The following BNC2 variants were observed in gnomAD, a reference collection of about 807,000 sequenced individuals.
BNC2 encodes basonuclin zinc finger protein 2.
In BNC2, 20 loss-of-function variants were observed where a neutral mutation model predicts 76.3. The ratio of observed to expected loss-of-function variants is 0.26; its 90% CI spans 0.18 to 0.38. The LOEUF (loss-of-function observed/expected upper bound fraction) is 0.38, where lower values mean the gene tolerates loss of function less well. BNC2 is among the 10% of genes least tolerant of loss of function. BNC2 has a pLI of 1.00. For synonymous variants in BNC2, 582 were observed against 514.8 expected, an observed-to-expected ratio of 1.13 and a Z score of -1.77; for missense variants, 1,382 against 1,399.8, an observed-to-expected ratio of 0.99 and a Z score of 0.20.
chr9:16,789,296 C>T (rs1817435473), intron 1 of BNC2, among the ~76,000 whole-genome samples: 3 of 151,990 alleles, frequency 2.0e-5, no homozygotes, highest in East Asian at 1.9e-4. Context: ...TTGATTGTCA[C>T]GGTGGCCATG....
chr9:16,761,445 T>C (rs7047761), intron 1 of BNC2, among the ~76,000 whole-genome samples: 3 of 152,326 alleles, frequency 2.0e-5, no homozygotes, highest in Non-Finnish European at 4.4e-5. Context: ...CAATTTCATA[T>C]AATTGTATTC....
chr9:16,632,335 A>C (rs1821186411), intron 3 of BNC2, among the ~76,000 whole-genome samples: 1 of 152,126 alleles, frequency 6.6e-6, no homozygotes, highest in Admixed American at 6.5e-5. Flanking sequence ...GATCCCCCAC[A>C]TTCGGTAATA....
intron 5 of BNC2, among the ~76,000 whole-genome samples, chr9:16,466,014 C>A (rs1159950172): frequency 8.1e-6 from 1 of 123,218 alleles, no homozygotes; most frequent in Non-Finnish European, 1.7e-5. Flanking sequence ...ACAAAAATCA[C>A]AAGCATTCTT....
At chr9:16,629,604 G>C (rs1485135254) in intron 3 of BNC2, among the ~76,000 whole-genome samples, 2 of 152,118 alleles carry the variant, frequency 1.3e-5, no homozygotes, top group Non-Finnish European at 2.9e-5. Flanking sequence ...AGCATCTGCA[G>C]GCAAACATCG....
intron 6 of BNC2, among the ~76,000 whole-genome samples, chr9:16,425,866 G>A (rs538140095): frequency 6.6e-6 from 1 of 152,344 alleles, no homozygotes; most frequent in Admixed American, 6.5e-5. Context: ...TTGGTAGATG[G>A]AAAATGTGTA....
intron 1 of BNC2, among the ~76,000 whole-genome samples, chr9:16,818,427 G>A (rs566325842): frequency 2.6e-5 from 4 of 152,114 alleles, no homozygotes; most frequent in Admixed American, 2.0e-4. Flanking sequence ...ACCCAAAAAC[G>A]AAGGGAAGGG....
At chr9:16,722,286 T>C (rs896425701) in intron 3 of BNC2, among the ~76,000 whole-genome samples, 2 of 152,322 alleles carry the variant, frequency 1.3e-5, no homozygotes, top group East Asian at 1.9e-4. Context: ...CAGAGATGCC[T>C]TACTCAGCAT....
chr9:16,524,527 C>T (rs147113766), intron 5 of BNC2, among the ~76,000 whole-genome samples: 11 of 152,080 alleles, frequency 7.2e-5, no homozygotes, highest in African/African-American at 2.7e-4. Flanking sequence ...ATTCTAAATA[C>T]ACATTCAGGA....
At chr9:16,582,940 TG>T in intron 4 of BNC2, 42 bp downstream of exon 4, 1 of 970,488 alleles carries the variant, frequency 1.0e-6, no homozygotes, top group Non-Finnish European at 1.6e-6. Context: ...CACACGAACA[TG>T]AACATAATAA....
intron 1 of BNC2, among the ~76,000 whole-genome samples, chr9:16,839,645 C>A (rs943996105): frequency 6.6e-6 from 1 of 152,336 alleles, no homozygotes; most frequent in Non-Finnish European, 1.5e-5. Context: ...TAGGCGCCAT[C>A]ACTATATGCC....
intron 3 of BNC2, among the ~76,000 whole-genome samples, chr9:16,684,784 G>A (rs1822927620): frequency 6.6e-6 from 1 of 151,942 alleles, no homozygotes; most frequent in African/African-American, 2.4e-5. Context: ...ACATAGAAAT[G>A]GAGGCATGCC....
chr9:16,609,851 T>G (rs576426720), intron 3 of BNC2, among the ~76,000 whole-genome samples: 101 of 152,258 alleles, frequency 6.6e-4, no homozygotes, highest in African/African-American at 2.3e-3. Flanking sequence ...TTTCCCTTGG[T>G]ACCCCCTCCT....
chr9:16,648,818 T>C (rs922242428), intron 3 of BNC2, among the ~76,000 whole-genome samples: 10 of 152,320 alleles, frequency 6.6e-5, no homozygotes, highest in Admixed American at 5.9e-4. Context: ...CATCTCCATT[T>C]GCAATTCATT....
At chr9:16,703,038 G>C (rs573765286) in intron 3 of BNC2, among the ~76,000 whole-genome samples, 1 of 152,276 alleles carries the variant, frequency 6.6e-6, no homozygotes, top group African/African-American at 2.4e-5. Context: ...CTTTTATGCG[G>C]AGAAGATTCC....
intron 5 of BNC2, among the ~76,000 whole-genome samples, chr9:16,456,718 T>G (rs556443979): frequency 6.6e-6 from 1 of 152,150 alleles, no homozygotes; most frequent in South Asian, 2.1e-4. Flanking sequence ...AAAGAGTCCT[T>G]GAAAATGGAG....
At chr9:16,573,252 G>GAA (rs1563845572) in intron 4 of BNC2, among the ~76,000 whole-genome samples, 1 of 147,230 alleles carries the variant, frequency 6.8e-6, no homozygotes. Flanking sequence ...AAAAGAAAAA[G>GAA]AAAGAAATAT....
chr9:16,601,226 A>C (rs1166045805), intron 3 of BNC2, among the ~76,000 whole-genome samples: 1 of 152,182 alleles, frequency 6.6e-6, no homozygotes, highest in African/African-American at 2.4e-5. Flanking sequence ...GATATCCAGG[A>C]CCACACTCCA....
chr9:16,653,307 G>A (rs544739401), intron 3 of BNC2, among the ~76,000 whole-genome samples: 9 of 152,128 alleles, frequency 5.9e-5, no homozygotes, highest in Admixed American at 1.3e-4. Flanking sequence ...GGAAACACAC[G>A]CACTCACAAA....
chr9:16,753,067 T>G (rs1372177131), intron 1 of BNC2, among the ~76,000 whole-genome samples: 1 of 152,236 alleles, frequency 6.6e-6, no homozygotes. Flanking sequence ...GCAAAGTAGA[T>G]GACCTGAAAC....
Sources: allele counts gnomAD v4.1 joint callset (sites outside exome capture counted in the v4.1 genomes callset), GRCh38; gene constraint gnomAD v4.1.1; transcripts MANE v1.5; gene names NCBI Gene and HGNC (gene_info 2026-07-23, HGNC 2026-07-21).